The following KANSL1L variants were observed in gnomAD, a reference collection of about 807,000 sequenced individuals.
The protein encoded by KANSL1L is KAT8 regulatory NSL complex subunit 1-like protein.
In KANSL1L, 25 loss-of-function variants were observed where a neutral mutation model predicts 108.6. The observed-to-expected ratio is 0.23, with a 90% CI of 0.17 to 0.32. The LOEUF is 0.32. Among genes scored for constraint, KANSL1L ranks in the 10% least tolerant of loss-of-function variants. KANSL1L has a pLI of 1.00. For missense variants in KANSL1L, 1,137 were observed against 1,125.7 expected, an observed-to-expected ratio of 1.01 and a Z score of -0.14; for synonymous variants, 405 against 395.1, an observed-to-expected ratio of 1.03 and a Z score of -0.30.
intron 5 of KANSL1L, among the ~76,000 whole-genome samples, chr2:210,094,048 C>G (rs1286604787): frequency 6.6e-6 from 1 of 151,930 alleles, no homozygotes. Flanking sequence ...TGGCCAGGAG[C>G]TGAAAGCAAG....
At chr2:210,110,012 G>A (rs2094888916) in intron 3 of KANSL1L, among the ~76,000 whole-genome samples, 1 of 152,026 alleles carries the variant, frequency 6.6e-6, no homozygotes, top group Non-Finnish European at 1.5e-5. Flanking sequence ...AATTTCTTTG[G>A]TAGAACTCAC....
rs1559541257 is a variant in KANSL1L at position 210,081,240 on chromosome 2, C to A, written c.1551-5484G>T. The stretch of plus-strand genomic sequence containing the variant: ...CTCTATATTAATTCTGCCTCATTTT[C>A]TTTCCTTAGGTTGACATTTCCAACC... On this transcript the variant is annotated intron_variant, in intron 5 of 14. Transcript: ENST00000281772. Among the ~76,000 whole-genome samples the A allele has an allele frequency of 2.6e-5, 4 of 152,298 alleles. No individual in the cohort carries two copies. The South Asian group carries it at 6.2e-4, about 24-fold the overall frequency.
rs1491078481 is a variant in KANSL1L, at chr2:210,079,601, AAT to A, written c.1551-3847_1551-3846del. On this transcript the variant is annotated intron_variant, in intron 5 of 14. Transcript: ENST00000281772. Reference sequence around the variant, plus strand: ...GTGAGACTCTGTCTCAAAAAAAAAAAATATGTATGTGTATATATATATATATA... The same window carrying A: ...GTGAGACTCTGTCTCAAAAAAAAAAAATGTATGTGTATATATATATATATA... 7.1e-4 allele frequency among the ~76,000 whole-genome samples: 42 copies of A among 59,086 alleles called. 4 individuals are homozygous for A. Among genetic ancestry groups the A allele is most frequent in the East Asian group, 4.1e-3 (6 of 1,472 alleles). The allele number at this position is 59,086 out of a possible 152,430, so 38.8% of individuals were successfully genotyped here.
chr2:210,088,593 A>C (rs2094661752), intron 5 of KANSL1L: 1 of 152,442 alleles, frequency 6.6e-6, no homozygotes, highest in African/African-American at 2.4e-5. Flanking sequence ...ACAGCAAATA[A>C]CTGCAAGCCA....
chr2:210,139,368 TGA>T (rs915442649), intron 2 of KANSL1L, among the ~76,000 whole-genome samples: 4 of 152,200 alleles, frequency 2.6e-5, no homozygotes, highest in African/African-American at 9.6e-5. Context: ...AGTATCAACA[TGA>T]GAGTGCAGGT....
At chr2:210,076,077 CTATT>C (rs1250261574) in intron 5 of KANSL1L, among the ~76,000 whole-genome samples, 2 of 152,116 alleles carry the variant, frequency 1.3e-5, no homozygotes, top group African/African-American at 2.4e-5. Context: ...AGTATTTTAA[CTATT>C]TACACAAAAT....
At chr2:210,068,077 C>A (rs889384941) in intron 6 of KANSL1L, among the ~76,000 whole-genome samples, 3 of 151,984 alleles carry the variant, frequency 2.0e-5, no homozygotes, top group Non-Finnish European at 4.4e-5. Context: ...GAGGTTTCAC[C>A]ATGTTGGCCA....
intron 6 of KANSL1L, among the ~76,000 whole-genome samples, chr2:210,067,956 C>T (rs1030698833): frequency 4.6e-5 from 7 of 152,018 alleles, no homozygotes; most frequent in Non-Finnish European, 7.4e-5. Context: ...CAGCTCACTG[C>T]AACCTCCGCC....
At chr2:210,169,642 C>A (rs531440004) in intron 1 of KANSL1L, among the ~76,000 whole-genome samples, 1 of 152,272 alleles carries the variant, frequency 6.6e-6, no homozygotes, top group South Asian at 2.1e-4. Context: ...TAAGAAGTTT[C>A]ACATAAAAAA....
intron 6 of KANSL1L, among the ~76,000 whole-genome samples, chr2:210,055,302 A>G (rs1449594307): frequency 2.0e-5 from 3 of 152,198 alleles, no homozygotes; most frequent in African/African-American, 7.2e-5. Flanking sequence ...TTCCTTTATA[A>G]AAGACCCAGT....
At chr2:210,041,312 G>C (rs1018718869) in intron 7 of KANSL1L, among the ~76,000 whole-genome samples, 7 of 152,124 alleles carry the variant, frequency 4.6e-5, no homozygotes, top group Non-Finnish European at 8.8e-5. Flanking sequence ...ACTTTTCCTT[G>C]AGAACATATT....
Position 210,143,788 on chromosome 2 carries a change from T to C in KANSL1L, c.1088+9707A>G, listed in dbSNP as rs1053380242. 8.5e-5 allele frequency among the ~76,000 whole-genome samples: 13 copies of C among 152,326 alleles called. No homozygotes were observed. The East Asian group carries it at 1.9e-3, about 23-fold the overall frequency. On this transcript the variant is annotated intron_variant, in intron 2 of 14. Coordinates refer to ENST00000281772, the MANE Select transcript of KANSL1L (RefSeq NM_152519.4). The stretch of plus-strand genomic sequence containing the variant: ...CTTTTGATATCACAATTTACATCTT[T>C]TCATATTGTACATCCTATGACAAAT...
chr2:210,143,537 T>C (rs971347515), intron 2 of KANSL1L, among the ~76,000 whole-genome samples: 1 of 152,190 alleles, frequency 6.6e-6, no homozygotes, highest in Non-Finnish European at 1.5e-5. Flanking sequence ...CCTTTGTTCC[T>C]TTCTTCCTCT....
intron 4 of KANSL1L, 53 bp from the exon 5 acceptor site, chr2:210,098,260 A>C (rs890703994): frequency 5.1e-6 from 8 of 1,569,516 alleles, no homozygotes; most frequent in African/African-American, 4.1e-5. Flanking sequence ...ATGTGAGTTA[A>C]AGCTCAGATG....
intron 3 of KANSL1L, among the ~76,000 whole-genome samples, chr2:210,116,609 G>A (rs2094956638): frequency 6.6e-6 from 1 of 152,142 alleles, no homozygotes; most frequent in African/African-American, 2.4e-5. Context: ...TGGTAATCCA[G>A]AGAATGCTTT....
intron 4 of KANSL1L, among the ~76,000 whole-genome samples, chr2:210,099,953 A>T (rs991652522): frequency 6.6e-6 from 1 of 152,248 alleles, no homozygotes; most frequent in Non-Finnish European, 1.5e-5. Flanking sequence ...CTAGCTATTC[A>T]TAACAAGATT....
intron 1 of KANSL1L, among the ~76,000 whole-genome samples, chr2:210,167,291 T>G (rs751517191): frequency 6.6e-6 from 1 of 152,058 alleles, no homozygotes; most frequent in Non-Finnish European, 1.5e-5. Flanking sequence ...GCTCAGTACT[T>G]TATATTCAAT....
chr2:210,021,852 C>G lies in KANSL1L; in HGVS notation c.*1097G>C, dbSNP rs2093861643. The G allele has an allele frequency of 6.6e-6, 1 of 150,488 alleles. No individual in the cohort carries two copies. Among genetic ancestry groups the G allele is most frequent in the Admixed American group, 6.7e-5 (1 of 14,948 alleles). 9.3% of individuals were successfully genotyped at this position (150,488 alleles called of 1,614,324 possible). On this transcript the variant is annotated 3_prime_UTR_variant, in exon 15 of 15. Coordinates refer to ENST00000281772, the MANE Select transcript of KANSL1L (RefSeq NM_152519.4). ...CAGTATCCAATATTGAAGCTTTGTT[C>G]TTTGAAAAATTTTAATTTCCAATCT...
intron 2 of KANSL1L, among the ~76,000 whole-genome samples, chr2:210,149,057 C>T (rs2095284714): frequency 6.6e-6 from 1 of 151,822 alleles, no homozygotes; most frequent in Non-Finnish European, 1.5e-5. Flanking sequence ...GGGAGGGGGT[C>T]TATGACGTAC....
Sources: allele counts gnomAD v4.1 joint callset (sites outside exome capture counted in the v4.1 genomes callset), GRCh38; gene constraint gnomAD v4.1.1; transcripts MANE v1.5; gene names NCBI Gene and HGNC (gene_info 2026-07-23, HGNC 2026-07-21).